The following SEC61A2 variants were observed in gnomAD, a reference collection of about 807,000 sequenced individuals.
The protein encoded by SEC61A2 is SEC61 translocon subunit alpha 2, also known as protein transport protein Sec61 subunit alpha isoform 2.
A neutral mutation model predicts 59.9 loss-of-function variants in SEC61A2; 28 were observed. The observed-to-expected ratio is 0.47, with a 90% CI of 0.35 to 0.64. The LOEUF (loss-of-function observed/expected upper bound fraction) is 0.64. Among genes scored for constraint, SEC61A2 ranks in the 30% least tolerant of loss-of-function variants. SEC61A2 has a pLI of 0.01. For missense variants in SEC61A2, 340 were observed against 585.9 expected (o/e 0.58, Z 4.33); for synonymous variants, 202 against 214.4 (o/e 0.94, Z 0.50).
intron 9 of SEC61A2, among the ~76,000 whole-genome samples, chr10:12,159,313 T>C (rs1408992888): frequency 6.6e-6 from 1 of 152,132 alleles, no homozygotes; most frequent in Admixed American, 6.6e-5. Context: ...CACGCTGTTA[T>C]TGAAGCGTGA....
At chr10:12,132,012 G>A (rs1275143115) in intron 1 of SEC61A2, among the ~76,000 whole-genome samples, 4 of 136,362 alleles carry the variant, frequency 2.9e-5, no homozygotes, top group Non-Finnish European at 6.3e-5. Flanking sequence ...ACTTTAAAAA[G>A]GTAACTACAG....
chr10:12,161,962 C>A lies in SEC61A2; in HGVS notation c.1168-251C>A, dbSNP rs114518625. Among the ~76,000 whole-genome samples, 338 of 152,156 alleles carry A rather than the reference C, an allele frequency of 2.2e-3. 3 individuals carry two copies. Among genetic ancestry groups the A allele is most frequent in the African/African-American group, 7.9e-3 (327 of 41,508 alleles). Reference sequence around the variant, plus strand: ...TTAGATATTACAGTGGTTTGCAACCCTCCTGCAAAACAAAATCTTGTTTGG... The same window carrying A: ...TTAGATATTACAGTGGTTTGCAACCATCCTGCAAAACAAAATCTTGTTTGG... On this transcript the variant is annotated intron_variant, in intron 10 of 11. Transcript: ENST00000298428. The surrounding 1 kb of genome is among the most constrained non-coding windows in gnomAD (Gnocchi z 5.4).
At position 12,165,155 on chromosome 10, in the gene SEC61A2, C is replaced by CCAGT; in HGVS notation, c.*704_*707dup. The CCAGT allele has an allele frequency of 1.4e-5, 14 of 985,494 alleles. No homozygotes were observed. The highest frequency in any genetic ancestry group is 1.6e-5 in the Non-Finnish European group (13 of 829,940). 61.0% of individuals were successfully genotyped at this position (985,494 alleles called of 1,614,324 possible). ...TATTGGCTATGCCTTCTAACTCCAA[C>CCAGT]CAGTCACTTGAGAATATTCTTTCAA... is the stretch of plus-strand genomic sequence containing the variant. On this transcript the variant is annotated 3_prime_UTR_variant, in exon 12 of 12. Coordinates refer to ENST00000298428, the MANE Select transcript of SEC61A2 (RefSeq NM_018144.4).
chr10:12,135,296 C>A (rs551071650), intron 2 of SEC61A2, among the ~76,000 whole-genome samples: 3 of 151,620 alleles, frequency 2.0e-5, no homozygotes, highest in Admixed American at 1.3e-4. Flanking sequence ...GCACATGTAT[C>A]CTAGAACTTA....
At position 12,143,281 on chromosome 10, in the gene SEC61A2, C is replaced by T. The variant is rs1411532613; in HGVS notation, c.220+86C>T. ...ATTAGCAATGAGTTTTCAATGTCTA[C>T]AGGGAGGGGGAGGATATCATTGCCT... On this transcript the variant is annotated intron_variant, in intron 4 of 11. Transcript: ENST00000298428. This position sits in a 1 kb window ranked among gnomAD's most constrained non-coding sequence, Gnocchi z 4.8. 1 of 948,290 alleles carries T rather than the reference C, an allele frequency of 1.1e-6. No homozygotes were observed. The highest frequency in any genetic ancestry group is 1.6e-5 in the African/African-American group (1 of 62,190). 58.7% of individuals were successfully genotyped at this position (948,290 alleles called of 1,614,324 possible).
At chr10:12,136,641 A>AT in intron 3 of SEC61A2, among the ~76,000 whole-genome samples, 1 of 151,218 alleles carries the variant, frequency 6.6e-6, no homozygotes, top group African/African-American at 2.4e-5. Context: ...GTTTTATTTT[A>AT]TTTTTTGAGA....
In SEC61A2 at chr10:12,145,749, A is replaced by G. The variant is rs1834123898; in HGVS notation, c.220+2554A>G. ...CTCTCCAGCCTTGTTAGGATGTTGG[A>G]ACATTACCCATCTGACATGAAAAGA... is the stretch of plus-strand genomic sequence containing the variant. On this transcript the variant is annotated intron_variant, in intron 4 of 11. Coordinates refer to ENST00000298428, the MANE Select transcript of SEC61A2 (RefSeq NM_018144.4). This position sits in a 1 kb window ranked among gnomAD's most constrained non-coding sequence, Gnocchi z 4.4. Among the ~76,000 whole-genome samples the G allele has an allele frequency of 6.6e-6, 1 of 152,218 alleles. No individual in the cohort carries two copies. The highest frequency in any genetic ancestry group is 1.5e-5 in the Non-Finnish European group (1 of 68,042).
rs1834399823 is a variant in SEC61A2, at chr10:12,156,563, CGCT to C, written c.617-339_617-337del. On this transcript the variant is annotated intron_variant, in intron 7 of 11. Coordinates refer to ENST00000298428, the MANE Select transcript of SEC61A2 (RefSeq NM_018144.4). The surrounding 1 kb of genome is among the most constrained non-coding windows in gnomAD (Gnocchi z 5.2). Reference sequence around the variant, plus strand: ...TTATTCTGACATCTCTGCTCTGCTTCGCTGCTGTTTATTTTTCCTAAAAACACT... The same window carrying C: ...TTATTCTGACATCTCTGCTCTGCTTCGCTGTTTATTTTTCCTAAAAACACT... 6.6e-6 allele frequency among the ~76,000 whole-genome samples: 1 copy of C among 152,180 alleles called. No homozygotes were observed. The highest frequency in any genetic ancestry group is 1.5e-5 in the Non-Finnish European group (1 of 68,038).
At chr10:12,141,314 G>A (rs1314339147) in intron 3 of SEC61A2, among the ~76,000 whole-genome samples, 4 of 152,154 alleles carry the variant, frequency 2.6e-5, no homozygotes, top group African/African-American at 9.7e-5. Flanking sequence ...CTTTCAGGGA[G>A]GTTTAGGTTG....
At position 12,155,967 on chromosome 10, in the gene SEC61A2, G is replaced by T; in HGVS notation, c.616+36G>T. The T allele has an allele frequency of 1.2e-6, 2 of 1,612,516 alleles. No homozygotes were observed. The highest frequency in any genetic ancestry group is 1.7e-6 in the Non-Finnish European group (2 of 1,178,634). On this transcript the variant is annotated intron_variant, in intron 7 of 11. Coordinates refer to ENST00000298428, the MANE Select transcript of SEC61A2 (RefSeq NM_018144.4). The surrounding 1 kb of genome is among the most constrained non-coding windows in gnomAD (Gnocchi z 4.3). Reference sequence around the variant, plus strand: ...CAGCGACTGCAACTGCACGCGTTTTGCTGGATGTGTGCTGGGAACAAACCC... The same window carrying T: ...CAGCGACTGCAACTGCACGCGTTTTTCTGGATGTGTGCTGGGAACAAACCC...
rs373273448 is a variant in SEC61A2 at position 12,163,740 on chromosome 10, T to C, written c.1245-528T>C. On this transcript the variant is annotated intron_variant, in intron 11 of 11. Coordinates refer to ENST00000298428, the MANE Select transcript of SEC61A2 (RefSeq NM_018144.4). ...ATTTAGAACACAGACTGCAGAGTAG[T>C]ATGATGGATCTCCAGCTCCAGTTGT... 7.9e-5 allele frequency among the ~76,000 whole-genome samples: 12 copies of C among 152,266 alleles called. 1 individual carries two copies. In the East Asian group the frequency reaches 1.9e-3, roughly 24 times the overall value.
chr10:12,147,324 A>G (rs1042329735), intron 4 of SEC61A2, among the ~76,000 whole-genome samples: 2 of 152,196 alleles, frequency 1.3e-5, no homozygotes, highest in Non-Finnish European at 2.9e-5. Context: ...TTCTTGCCCA[A>G]GATGATAAGC....
intron 2 of SEC61A2, among the ~76,000 whole-genome samples, chr10:12,135,049 T>C (rs1366087749): frequency 1.3e-5 from 2 of 151,912 alleles, no homozygotes; most frequent in African/African-American, 4.8e-5. Context: ...TTAAATTTGC[T>C]GTTTCGAAAA....
intron 8 of SEC61A2, 91 bp from the exon 9 acceptor site, chr10:12,157,817 C>G: frequency 8.1e-7 from 1 of 1,229,264 alleles, no homozygotes; most frequent in Non-Finnish European, 1.2e-6. Context: ...GTCTTTTCAT[C>G]CCCCGCACTG....
At chr10:12,136,476 G>A (rs1055339324) in intron 3 of SEC61A2, among the ~76,000 whole-genome samples, 1 of 151,442 alleles carries the variant, frequency 6.6e-6, no homozygotes, top group Non-Finnish European at 1.5e-5. Flanking sequence ...CCCAGCTAAA[G>A]TCTCGCTCTG....
rs1834218770 is a variant in SEC61A2, at chr10:12,149,121, ACT to A, written c.221-471_221-470del. ...TGGTTTGTTTTTGAGATGGAGTCTC[ACT>A]CTGTTGCCCGGGCTGGAGTGCAGTG... On this transcript the variant is annotated intron_variant, in intron 4 of 11. Coordinates refer to ENST00000298428, the MANE Select transcript of SEC61A2 (RefSeq NM_018144.4). The surrounding 1 kb of genome is among the most constrained non-coding windows in gnomAD (Gnocchi z 5.2). 6.6e-6 allele frequency among the ~76,000 whole-genome samples: 1 copy of A among 151,366 alleles called. No individual in the cohort carries two copies. The highest frequency in any genetic ancestry group is 1.5e-5 in the Non-Finnish European group (1 of 67,870).
chr10:12,154,044 T>G lies in SEC61A2; in HGVS notation c.463-1734T>G, dbSNP rs1834342849. 6.6e-6 allele frequency among the ~76,000 whole-genome samples: 1 copy of G among 152,228 alleles called. No homozygotes were observed. Among genetic ancestry groups the G allele is most frequent in the Admixed American group, 6.5e-5 (1 of 15,282 alleles). On this transcript the variant is annotated intron_variant, in intron 6 of 11. Transcript: ENST00000298428. The surrounding 1 kb of genome is among the most constrained non-coding windows in gnomAD (Gnocchi z 5.2). The stretch of plus-strand genomic sequence containing the variant: ...GATAGTTTGACAAAACTAAGTTGTG[T>G]GTAGGTGTCGTGCAGGGTTAAAATG...
At position 12,164,800 on chromosome 10, in the gene SEC61A2, T is replaced by C. The variant is rs1187379651; in HGVS notation, c.*346T>C. 1.1e-5 allele frequency: 11 copies of C among 1,030,876 alleles called. No homozygotes were observed. The highest frequency in any genetic ancestry group is 1.2e-5 in the Non-Finnish European group (10 of 859,802). The allele number at this position is 1,030,876 out of a possible 1,614,324, so 63.9% of individuals were successfully genotyped here. On this transcript the variant is annotated 3_prime_UTR_variant, in exon 12 of 12. Transcript: ENST00000298428. This position sits in a 1 kb window ranked among gnomAD's most constrained non-coding sequence, Gnocchi z 7.3. The stretch of plus-strand genomic sequence containing the variant: ...AAACACTTCATATTGCCCCCACTTG[T>C]TGAAAAATAAATGTAGTTCAAATTG...
rs908250330 is a variant in SEC61A2 at position 12,149,253 on chromosome 10, C to A, written c.221-342C>A. Among the ~76,000 whole-genome samples, 2 of 152,056 alleles carry A rather than the reference C, an allele frequency of 1.3e-5. No homozygotes were observed. The highest frequency in any genetic ancestry group is 4.1e-4 in the South Asian group (2 of 4,820). ...TACAGGTGCCCGCCACCACACCTGG[C>A]TAATTTTTGCATTTTTAGTAGAGAC... On this transcript the variant is annotated intron_variant, in intron 4 of 11. Transcript: ENST00000298428. The surrounding 1 kb of genome is among the most constrained non-coding windows in gnomAD (Gnocchi z 5.2).
Sources: gnomAD v4.1 joint callset for allele counts (sites outside exome capture counted in the v4.1 genomes callset) on GRCh38, gnomAD v4.1.1 for gene constraint, Gnocchi (gnomAD v3.1) non-coding constraint, MANE v1.5 for transcripts, NCBI Gene and HGNC (gene_info 2026-07-23, HGNC 2026-07-21) for gene names.